Variants in NBAS observed in about 807,000 individuals in gnomAD.
NBAS encodes the protein NAG/BC035112 fusion.
NBAS carries 219 observed loss-of-function variants against 302.5 expected under a neutral mutation model. That is an observed-to-expected ratio of 0.72 (90% confidence interval 0.65 to 0.81). NBAS has a LOEUF of 0.81. NBAS is among the 30% of genes least tolerant of loss of function. The pLI, the probability that NBAS is intolerant of heterozygous loss-of-function variation, is 0.00. For synonymous variants in NBAS, 1,118 were observed against 1,021.6 expected, an observed-to-expected ratio of 1.09 and a Z score of -1.80; for missense variants, 2,932 against 2,841.6, an observed-to-expected ratio of 1.03 and a Z score of -0.72.
the NBAS span, among the ~76,000 whole-genome samples, chr2:15,105,602 A>G: frequency 6.6e-6 from 1 of 152,150 alleles, no homozygotes; most frequent in Non-Finnish European, 1.5e-5. Flanking sequence ...GAAGCAGTTC[A>G]GGACCAACGA....
At chr2:14,969,353 G>A in the NBAS span, among the ~76,000 whole-genome samples, 19,491 of 151,988 alleles carry the variant, frequency 0.13, 1,432 homozygotes, top group Middle Eastern at 0.21. Flanking sequence ...TGTACAGTAT[G>A]AAAATAATAT....
the NBAS span, among the ~76,000 whole-genome samples, chr2:14,903,948 G>T: frequency 6.6e-6 from 1 of 152,154 alleles, no homozygotes; most frequent in African/African-American, 2.4e-5. Context: ...GAGAAGTGCC[G>T]GTTACCACCT....
chr2:15,415,780 A>G, intron 24 of NBAS, 61 bp from the exon 25 acceptor site: 1 of 1,569,590 alleles, frequency 6.4e-7, no homozygotes, highest in Non-Finnish European at 8.8e-7. Flanking sequence ...ATGCCTTATT[A>G]TATCAGACAG....
At chr2:14,959,268 T>C in the NBAS span, among the ~76,000 whole-genome samples, 1 of 152,324 alleles carries the variant, frequency 6.6e-6, no homozygotes, top group African/African-American at 2.4e-5. Flanking sequence ...CCAGGTACAT[T>C]GAGACATGCT....
At chr2:15,238,773 G>A in intron 44 of NBAS, 87 bp from the exon 45 acceptor site, 2 of 1,194,404 alleles carry the variant, frequency 1.7e-6, no homozygotes, top group South Asian at 3.0e-5. Flanking sequence ...GAACAAAAGT[G>A]AAATTTTTGT....
At chr2:14,803,851 T>C in the NBAS span, among the ~76,000 whole-genome samples, 1 of 152,090 alleles carries the variant, frequency 6.6e-6, no homozygotes, top group Non-Finnish European at 1.5e-5. Context: ...GGTTTCACCA[T>C]TTTGGCCAGG....
chr2:15,441,768 T>G (rs1438915463), intron 21 of NBAS, among the ~76,000 whole-genome samples: 2 of 152,078 alleles, frequency 1.3e-5, no homozygotes. Context: ...ACCCATCTCA[T>G]GTGCAGAGAC....
At chr2:15,444,210 A>G in intron 21 of NBAS, among the ~76,000 whole-genome samples, 1 of 152,054 alleles carries the variant, frequency 6.6e-6, no homozygotes, top group Admixed American at 6.6e-5. Context: ...ATCTTAAGCC[A>G]AAAGAACAGA....
chr2:15,019,020 T>C, the NBAS span, among the ~76,000 whole-genome samples: 377 of 152,320 alleles, frequency 2.5e-3, 3 homozygotes, highest in African/African-American at 8.7e-3. Context: ...ACTTTTTGCA[T>C]TTCAATAAGC....
intron 3 of NBAS, among the ~76,000 whole-genome samples, chr2:15,556,284 T>A (rs1272128244): frequency 6.6e-6 from 1 of 152,208 alleles, no homozygotes; most frequent in Non-Finnish European, 1.5e-5. Context: ...AGCAGAATTA[T>A]AACTTTTTTG....
chr2:15,429,782 T>C (rs935209852), intron 21 of NBAS, among the ~76,000 whole-genome samples: 1 of 152,226 alleles, frequency 6.6e-6, no homozygotes, highest in African/African-American at 2.4e-5. Context: ...GAGTCCATAA[T>C]TTTAAATTTC....
intron 51 of NBAS, among the ~76,000 whole-genome samples, chr2:15,169,972 C>T (rs998220294): frequency 1.3e-5 from 2 of 152,216 alleles, no homozygotes; most frequent in Non-Finnish European, 2.9e-5. Context: ...ACAGTGTGTG[C>T]CAGGATGCTA....
Position 15,275,743 on chromosome 2 carries a change from T to G in NBAS, c.5465A>C (p.Asn1822Thr), listed in dbSNP as rs199717686. Residue 1822 changes from asparagine (N) to threonine (T), a missense_variant, in exon 44 of 52, where the codon AAT becomes ACT. Transcript: ENST00000281513. ...EALEPVLSSQ[N>T]ILSISKLVPK... ...AACAAGTTTGGAAATAGACAAGATA[T>G]TTTGACTTGAAAGAACTGGCTCCAA... 7.4e-4 allele frequency: 1,190 copies of G among 1,614,076 alleles called. 2 individuals carry two copies. The highest frequency in any genetic ancestry group is 9.7e-4 in the Non-Finnish European group (1,148 of 1,180,026).
At chr2:15,249,879 C>T (rs1265031146) in intron 44 of NBAS, among the ~76,000 whole-genome samples, 1 of 152,052 alleles carries the variant, frequency 6.6e-6, no homozygotes, top group South Asian at 2.1e-4. Context: ...AATGGCCATA[C>T]TGATGCCCAA....
the NBAS span, among the ~76,000 whole-genome samples, chr2:15,025,278 T>A: frequency 6.6e-6 from 1 of 152,150 alleles, no homozygotes; most frequent in Non-Finnish European, 1.5e-5. Context: ...TGGTTGTAGG[T>A]GTGTGGCTTT....
chr2:15,308,491 A>C, intron 39 of NBAS, 138 bp from the exon 40 acceptor site: 1 of 1,058,030 alleles, frequency 9.5e-7, no homozygotes, highest in Non-Finnish European at 1.4e-6. Context: ...AGATCAACTT[A>C]ATAATGACTA....
At chr2:15,048,946 C>T in the NBAS span, among the ~76,000 whole-genome samples, 1 of 152,208 alleles carries the variant, frequency 6.6e-6, no homozygotes, top group Non-Finnish European at 1.5e-5. Flanking sequence ...AGGAGAGGCT[C>T]CCAGCCCAGT....
intron 44 of NBAS, among the ~76,000 whole-genome samples, chr2:15,240,002 A>C (rs1264726406): frequency 6.6e-6 from 1 of 152,204 alleles, no homozygotes; most frequent in Non-Finnish European, 1.5e-5. Context: ...GAGAGATCCT[A>C]GCGCCTTCTC....
At chr2:15,407,728 T>C (rs1676485969) in intron 25 of NBAS, among the ~76,000 whole-genome samples, 1 of 152,224 alleles carries the variant, frequency 6.6e-6, no homozygotes, top group Non-Finnish European at 1.5e-5. Flanking sequence ...TTTGTAGTTT[T>C]CTGTATTTAT....
Sources: gnomAD v4.1 joint callset for allele counts (sites outside exome capture counted in the v4.1 genomes callset) on GRCh38, gnomAD v4.1.1 for gene constraint, MANE v1.5 for transcripts, NCBI Gene and HGNC (gene_info 2026-07-23, HGNC 2026-07-21) for gene names.